NFIC: variants seen among roughly 807,000 people sequenced by gnomAD.
NFIC encodes the protein nuclear factor I C.
NFIC carries 12 observed loss-of-function variants against 54.4 expected under a neutral mutation model. The ratio of observed to expected loss-of-function variants is 0.22; its 90% CI spans 0.14 to 0.36. NFIC has a LOEUF of 0.36. Among genes scored for constraint, NFIC ranks in the 10% least tolerant of loss-of-function variants. The pLI, the probability that NFIC is intolerant of heterozygous loss-of-function variation, is 1.00. For synonymous variants in NFIC, 322 were observed against 319.2 expected (o/e 1.01, Z -0.09); for missense variants, 575 against 718.2 (o/e 0.80, Z 2.28).
At chr19:3,380,113 G>C (rs972054031) in intron 1 of NFIC, among the ~76,000 whole-genome samples, 2 of 151,576 alleles carry the variant, frequency 1.3e-5, no homozygotes, top group Admixed American at 6.6e-5. Context: ...CCAATCTCCT[G>C]CCTCAGCCTC....
intron 2 of NFIC, among the ~76,000 whole-genome samples, chr19:3,398,066 A>G (rs2081493664): frequency 6.6e-6 from 1 of 152,118 alleles, no homozygotes. Context: ...GATTTTGCAC[A>G]CAGTTGACAC....
At chr19:3,359,717 CG>C in intron 1 of NFIC, 9 of 1,421,164 alleles carry the variant, frequency 6.3e-6, no homozygotes, top group South Asian at 4.2e-5. Flanking sequence ...CGTTTTCGCC[CG>C]GGGACTTTTT....
At chr19:3,451,981 G>A (rs1452060903) in intron 7 of NFIC, among the ~76,000 whole-genome samples, 2 of 152,058 alleles carry the variant, frequency 1.3e-5, no homozygotes, top group East Asian at 3.9e-4. Context: ...GCCAGGCATG[G>A]CGGCGTGCAC....
upstream of NFIC, chr19:3,366,567 T>C (rs1322172056): frequency 1.3e-6 from 1 of 766,912 alleles, no homozygotes; most frequent in Non-Finnish European, 1.9e-6. Context: ...GGGGGGGTGG[T>C]TTGGAAAAAT....
chr19:3,385,042 G>A (rs945722913), intron 2 of NFIC, among the ~76,000 whole-genome samples: 1 of 97,522 alleles, frequency 1.0e-5, no homozygotes, highest in Non-Finnish European at 1.9e-5. Flanking sequence ...TCCCGCCTCT[G>A]CTCAGCAGGC....
Position 3,456,638 on chromosome 19 carries a change from A to G in NFIC, c.1509+3A>G, listed in dbSNP as rs1469753872. ...CTGCGGGCATTTATCAGGCACAGGT[A>G]GGGGCCGAGAGGCCGGCTGGTGGGG... On this transcript the variant is annotated splice_donor_region_variant and intron_variant, in intron 10 of 10. Transcript: ENST00000443272. The G allele has an allele frequency of 9.5e-7, 1 of 1,051,638 alleles. No individual in the cohort carries two copies. Among genetic ancestry groups the G allele is most frequent in the Admixed American group, 2.3e-5 (1 of 43,636 alleles). The allele number at this position is 1,051,638 out of a possible 1,614,324, so 65.1% of individuals were successfully genotyped here. A position where few individuals can be genotyped will look rare whatever the true frequency, so the allele number is the denominator to read the frequency against.
chr19:3,410,502 G>C (rs4806932), intron 2 of NFIC: 61,986 of 152,354 alleles, frequency 0.41, 15,488 homozygotes, highest in Non-Finnish European at 0.55. Flanking sequence ...CAGCGAGGAG[G>C]CCCCCGTGGC....
intron 3 of NFIC, among the ~76,000 whole-genome samples, chr19:3,425,718 C>T (rs1055897772): frequency 6.6e-6 from 1 of 151,772 alleles, no homozygotes; most frequent in Non-Finnish European, 1.5e-5. Context: ...CCTCGGCCTC[C>T]CAAAGTGCTG....
Position 3,453,975 on chromosome 19 carries a change from C to A in NFIC, c.1423+59C>A. 7.0e-7 allele frequency: 1 copy of A among 1,435,172 alleles called. No homozygotes were observed. The highest frequency in any genetic ancestry group is 1.5e-5 in the African/African-American group (1 of 67,638). The allele number at this position is 1,435,172 out of a possible 1,614,324, so 88.9% of individuals were successfully genotyped here. A position where few individuals can be genotyped will look rare whatever the true frequency, so the allele number is the denominator to read the frequency against. On this transcript the variant is annotated intron_variant, in intron 9 of 10. Coordinates refer to ENST00000443272, the MANE Select transcript of NFIC (RefSeq NM_001245002.2). This position sits in a 1 kb window ranked among gnomAD's most constrained non-coding sequence, Gnocchi z 6.7. ...GGATGTCCGCAGGGGGGCCTGTCCC[C>A]TCCCCAGCCCCACTGCCAGGTCAGA...
rs372460953 is a variant in NFIC at position 3,396,231 on chromosome 19, G to A, written c.562+13988G>A. 4.0e-5 allele frequency among the ~76,000 whole-genome samples: 6 copies of A among 151,262 alleles called. No individual in the cohort carries two copies. The East Asian group carries it at 1.2e-3, about 30-fold the overall frequency. Reference sequence around the variant, plus strand: ...TCACGCCTATAATCCCAGCACTTTGGGAGGCTGAGGTATGCGGATCACGAG... The same window carrying A: ...TCACGCCTATAATCCCAGCACTTTGAGAGGCTGAGGTATGCGGATCACGAG... On this transcript the variant is annotated intron_variant, in intron 2 of 10. Coordinates refer to ENST00000443272, the MANE Select transcript of NFIC (RefSeq NM_001245002.2).
At chr19:3,360,364 G>C (rs907647627) in intron 1 of NFIC, among the ~76,000 whole-genome samples, 1 of 150,392 alleles carries the variant, frequency 6.6e-6, no homozygotes, top group African/African-American at 2.4e-5. Context: ...CCGCGCGCGC[G>C]GGGTCCCCAG....
chr19:3,376,600 G>A (rs1411759740), intron 1 of NFIC, among the ~76,000 whole-genome samples: 1 of 152,134 alleles, frequency 6.6e-6, no homozygotes, highest in East Asian at 1.9e-4. Flanking sequence ...CAGACATGGT[G>A]GTTTGCACCT....
chr19:3,432,717 CTGGA>C (rs2082139924), intron 3 of NFIC, among the ~76,000 whole-genome samples: 1 of 147,234 alleles, frequency 6.8e-6, no homozygotes, highest in Non-Finnish European at 1.5e-5. Flanking sequence ...GTTGCCCAGG[CTGGA>C]TGGAGTGCAG....
At chr19:3,371,980 TCTCTCTCCCTCTCTCTCC>T (rs2081025046) in intron 1 of NFIC, among the ~76,000 whole-genome samples, 3 of 65,622 alleles carry the variant, frequency 4.6e-5, no homozygotes, top group South Asian at 8.7e-4. Context: ...TCTCTTTCTC[TCTCTCTCCCTCTCTCTCC>T]CTCTCTCTCT....
intron 2 of NFIC, among the ~76,000 whole-genome samples, chr19:3,388,102 T>TC (rs2081325935): frequency 6.6e-6 from 1 of 152,108 alleles, no homozygotes; most frequent in Non-Finnish European, 1.5e-5. Flanking sequence ...AGCCTCCTGT[T>TC]CCCGCCTTGC....
In NFIC at chr19:3,370,823, G is replaced by T. The variant is rs1288683809; in HGVS notation, c.30+4157G>T. ...ATGGGAAATGCTGCCTGGGCCTCCT[G>T]CCCCGGACACGGCCCGCCCCCCACT... On this transcript the variant is annotated intron_variant, in intron 1 of 10. Transcript: ENST00000443272. This position sits in a 1 kb window ranked among gnomAD's most constrained non-coding sequence, Gnocchi z 5.2. Among the ~76,000 whole-genome samples, 1 of 152,022 alleles carries T rather than the reference G, an allele frequency of 6.6e-6. No homozygotes were observed. The highest frequency in any genetic ancestry group is 6.5e-5 in the Admixed American group (1 of 15,270).
At chr19:3,366,746 C>T in intron 1 of NFIC, 80 bp downstream of exon 1, 1 of 1,103,618 alleles carries the variant, frequency 9.1e-7, no homozygotes, top group Non-Finnish European at 1.2e-6. Context: ...CAGGAGGAGG[C>T]GGGACGAAAA....
chr19:3,435,082 G>C lies in NFIC; in HGVS notation c.834-1G>C, dbSNP rs1442357450. ...GCCTCTCCCCTTCCCTCGCCCATAA[G>C]GAGCAAGCGGCACAAATCGGGCTCG... is the stretch of plus-strand genomic sequence containing the variant. On this transcript the variant is annotated splice_acceptor_variant, in intron 5 of 10. Coordinates refer to ENST00000443272, the MANE Select transcript of NFIC (RefSeq NM_001245002.2). LOFTEE classifies it high-confidence loss of function. The C allele has an allele frequency of 6.3e-7, 1 of 1,594,130 alleles. No individual in the cohort carries two copies. Among genetic ancestry groups the C allele is most frequent in the South Asian group, 1.1e-5 (1 of 89,038 alleles).
chr19:3,462,022 C>G (rs972564311), intron 10 of NFIC, among the ~76,000 whole-genome samples: 1 of 151,540 alleles, frequency 6.6e-6, no homozygotes, highest in Non-Finnish European at 1.5e-5. Flanking sequence ...CCACTGCACT[C>G]CAGCCTGGCA....
Sources: gnomAD v4.1 joint callset for allele counts (sites outside exome capture counted in the v4.1 genomes callset) on GRCh38, gnomAD v4.1.1 for gene constraint, Gnocchi (gnomAD v3.1) non-coding constraint, MANE v1.5 for transcripts, NCBI Gene and HGNC (gene_info 2026-07-23, HGNC 2026-07-21) for gene names.